The following LILRB1 variants were observed in gnomAD, a reference collection of about 807,000 sequenced individuals.
LILRB1 encodes leukocyte immunoglobulin-like receptor subfamily B member 1.
In LILRB1, 59 loss-of-function variants were observed where a neutral mutation model predicts 74.6. The observed-to-expected ratio is 0.79, with a 90% CI of 0.64 to 0.98. The LOEUF is 0.98. Ranked by LOEUF, LILRB1 falls within the 50% of genes least tolerant of loss-of-function variation. The pLI is 0.00. For synonymous variants in LILRB1, 328 were observed against 333.9 expected (o/e 0.98, Z 0.19); for missense variants, 804 against 822.6 (o/e 0.98, Z 0.28).
chr19:54,634,266 G>C (rs992605124), intron 9 of LILRB1: 13 of 1,522,436 alleles, frequency 8.5e-6, no homozygotes, highest in Admixed American at 8.1e-5. Flanking sequence ...CCGATTCCGC[G>C]GGGGCCTGTC....
At chr19:54,623,833 G>T (rs1347722260) in intron 1 of LILRB1, among the ~76,000 whole-genome samples, 4 of 152,196 alleles carry the variant, frequency 2.6e-5, no homozygotes, top group Admixed American at 1.3e-4. Context: ...ATTTGGATGG[G>T]ATTTGTTTTG....
At chr19:54,632,359 C>A in intron 5 of LILRB1, 105 bp from the exon 6 acceptor site, 4 of 1,546,716 alleles carry the variant, frequency 2.6e-6, no homozygotes, top group Middle Eastern at 2.0e-4. Context: ...GCTCCTGGGG[C>A]CAGAGACACA....
intron 1 of LILRB1, among the ~76,000 whole-genome samples, chr19:54,618,783 A>G (rs2063380606): frequency 6.6e-6 from 1 of 152,238 alleles, no homozygotes; most frequent in Non-Finnish European, 1.5e-5. Flanking sequence ...AAGTTCCCTT[A>G]CTTAGGTAAA....
In LILRB1 at chr19:54,636,843, G is replaced by A. The variant is rs774688543; in HGVS notation, c.1924G>A (p.Val642Met). ...PPSQEGPSPA[V>M]PSIYATLAIH Reference sequence around the variant, plus strand: ...ATCCCAGGAAGGGCCCTCTCCAGCTGTGCCCAGCATCTACGCCACTCTGGC... The same window carrying A: ...ATCCCAGGAAGGGCCCTCTCCAGCTATGCCCAGCATCTACGCCACTCTGGC... The change falls in exon 15 of 15, where the codon GTG becomes ATG. Residue 642 changes from valine to methionine, a missense_variant. Transcript: ENST00000324602. 1 of 1,613,480 alleles carries A rather than the reference G, an allele frequency of 6.2e-7. No homozygotes were observed. The highest frequency in any genetic ancestry group is 1.7e-5 in the Admixed American group (1 of 59,988).
rs1406779124 is a variant in LILRB1 at position 54,620,619 on chromosome 19, C to T, written c.-166+3270C>T. 4.6e-5 allele frequency among the ~76,000 whole-genome samples: 7 copies of T among 152,090 alleles called. No individual in the cohort carries two copies. In the South Asian group the frequency reaches 6.2e-4, roughly 14 times the overall value. On this transcript the variant is annotated intron_variant, in intron 1 of 15. Transcript: ENST00000396331. ...CAACCAGCTTAGTGGACCAGACAAA[C>T]GCCACTGAAAGGTCTGTTGGCCCTG...
At chr19:54,629,292 TG>T (rs1469472625), upstream of LILRB1, among the ~76,000 whole-genome samples, 2 of 152,174 alleles carry the variant, frequency 1.3e-5, no homozygotes, top group East Asian at 3.8e-4. Context: ...ACGAATTGCC[TG>T]TGTATCCCAA....
Position 54,632,718 on chromosome 19 carries a change from G to T in LILRB1, c.916G>T (p.Glu306Ter). The T allele has an allele frequency of 6.2e-7, 1 of 1,612,458 alleles. No individual in the cohort carries two copies. Among genetic ancestry groups the T allele is most frequent in the Non-Finnish European group, 8.5e-7 (1 of 1,179,944 alleles). The stretch of plus-strand genomic sequence containing the variant: ...CTACGGTGCACACAACCTCTCCTCC[G>T]AGTGGTCGGCCCCCAGCGACCCCCT... ...RCYGAHNLSSEWSAPSDPLDI... is the reference protein window; with the variant it reads ...RCYGAHNLSS The change falls in exon 6 of 15, where the codon GAG (glutamate) becomes TAG (stop). Residue 306 changes from glutamate (E) to a stop codon, truncating the protein, a stop_gained. Coordinates refer to ENST00000324602, the MANE Select transcript of LILRB1 (RefSeq NM_001081637.3). LOFTEE classifies it high-confidence loss of function.
intron 12 of LILRB1, 29 bp downstream of exon 12, chr19:54,635,325 G>A (rs1476637399): frequency 6.2e-7 from 1 of 1,612,198 alleles, no homozygotes; most frequent in Middle Eastern, 1.7e-4. Context: ...TGACCAGCCA[G>A]GAGGGAGATG....
upstream of LILRB1, among the ~76,000 whole-genome samples, chr19:54,616,510 C>T (rs1010768837): frequency 1.3e-5 from 2 of 152,118 alleles, no homozygotes; most frequent in Admixed American, 6.5e-5. Context: ...CAGCAGGGGC[C>T]CACTGAAAGC....
chr19:54,637,644 A>T lies in LILRB1; in HGVS notation c.*766A>T, dbSNP rs1788348496. The T allele has an allele frequency of 6.6e-6, 1 of 152,178 alleles. No individual in the cohort carries two copies. Among genetic ancestry groups the T allele is most frequent in the Non-Finnish European group, 1.5e-5 (1 of 68,036 alleles). 9.4% of individuals were successfully genotyped at this position (152,178 alleles called of 1,614,324 possible). On this transcript the variant is annotated 3_prime_UTR_variant, in exon 15 of 15. Coordinates refer to ENST00000324602, the MANE Select transcript of LILRB1 (RefSeq NM_001081637.3). ...ATAACAATAATAAGAGGAGTTGTTCATGAGGAAAAACCAAAGCTTGAAAAT... is the reference window on the plus strand; with the variant it reads ...ATAACAATAATAAGAGGAGTTGTTCTTGAGGAAAAACCAAAGCTTGAAAAT...
At chr19:54,630,389 T>A (rs141412447), upstream of LILRB1, 3 of 203,484 alleles carry the variant, frequency 1.5e-5, no homozygotes, top group Non-Finnish European at 2.9e-5. Context: ...AGCAAAATAT[T>A]TTAAAAAGGG....
rs759897397 is a variant in LILRB1, at chr19:54,633,336, G to T, written c.1261+18G>T. 1.2e-6 allele frequency: 2 copies of T among 1,608,532 alleles called. No individual in the cohort carries two copies. Among genetic ancestry groups the T allele is most frequent in the Admixed American group, 3.4e-5 (2 of 59,630 alleles). On this transcript the variant is annotated intron_variant, in intron 7 of 14. Coordinates refer to ENST00000324602, the MANE Select transcript of LILRB1 (RefSeq NM_001081637.3). ...GGTCTCAGGTGGGGGCCTTGACCCT[G>T]TCCTCTCTGAGCTCAAAGTCTCAGC...
Position 54,633,167 on chromosome 19 carries a change from A to G in LILRB1, c.1110A>G (p.Arg370=). Residue 370 remains arginine, a synonymous_variant, in exon 7 of 15, where the codon AGA becomes AGG. Transcript: ENST00000324602. The part of the protein sequence containing the change: ...EGAADDPWRL[R]STYQSQKYQA... ...CAGCTGATGACCCATGGCGTCTAAG[A>G]TCAACGTACCAATCTCAAAAATACC... 1 of 1,614,182 alleles carries G rather than the reference A, an allele frequency of 6.2e-7. No individual in the cohort carries two copies. Among genetic ancestry groups the G allele is most frequent in the Non-Finnish European group, 8.5e-7 (1 of 1,179,996 alleles).
chr19:54,637,999 A>G lies in LILRB1; in HGVS notation c.*1121A>G, dbSNP rs1391867708. Among the ~76,000 whole-genome samples the G allele has an allele frequency of 3.3e-5, 5 of 152,172 alleles. No homozygotes were observed. Among genetic ancestry groups the G allele is most frequent in the East Asian group, 3.8e-4 (2 of 5,200 alleles). On this transcript the variant is annotated 3_prime_UTR_variant, in exon 15 of 15. Transcript: ENST00000324602. ...TGTGTGTGTGTGAAAAACATTGACT[A>G]TAATAAAAATAATCTCGAGTTCACG...
Position 54,633,144 on chromosome 19 carries a change from G to C in LILRB1, c.1087G>C (p.Ala363Pro), listed in dbSNP as rs1379026792. Residue 363 changes from alanine to proline, a missense_variant, in exon 7 of 15, where the codon GCT (alanine) becomes CCT (proline). Physicochemically the swap from Ala to Pro is conservative, Grantham distance 27. Coordinates refer to ENST00000324602, the MANE Select transcript of LILRB1 (RefSeq NM_001081637.3). ...QTFLLTKEGAADDPWRLRSTY... is the reference protein window; with the variant it reads ...QTFLLTKEGAPDDPWRLRSTY... ...TTTCCTTCTGACCAAGGAGGGGGCA[G>C]CTGATGACCCATGGCGTCTAAGATC... The C allele has an allele frequency of 6.8e-6, 11 of 1,614,274 alleles. No individual in the cohort carries two copies. The highest frequency in any genetic ancestry group is 8.5e-6 in the Non-Finnish European group (10 of 1,180,040).
chr19:54,636,001 GC>G, intron 13 of LILRB1: 2 of 552,738 alleles, frequency 3.6e-6, no homozygotes, highest in Middle Eastern at 2.9e-4. Flanking sequence ...GAGGAAAGCC[GC>G]CCCCGCCTCC....
At chr19:54,622,796 T>G (rs1273259253) in intron 1 of LILRB1, among the ~76,000 whole-genome samples, 1 of 152,226 alleles carries the variant, frequency 6.6e-6, no homozygotes, top group Non-Finnish European at 1.5e-5. Context: ...ATTTTAAGGT[T>G]GGCTGTGCGT....
chr19:54,624,321 G>T lies in LILRB1; in HGVS notation c.-165-6196G>T, dbSNP rs56364573. Among the ~76,000 whole-genome samples the T allele has an allele frequency of 1.4e-3, 220 of 152,202 alleles. 1 individual carries two copies. The highest frequency in any genetic ancestry group is 2.1e-3 in the Non-Finnish European group (146 of 67,984). On this transcript the variant is annotated intron_variant, in intron 1 of 15. Coordinates refer to the LILRB1 transcript ENST00000396331. ...CGTTGTCTGTCTCCCTATCACACCC[G>T]TGCTCCAGGGCTCATGAGTCTCAGT...
rs570644991 is a variant in LILRB1, at chr19:54,637,804, T to C, written c.*926T>C. Among the ~76,000 whole-genome samples the C allele has an allele frequency of 1.3e-5, 2 of 152,308 alleles. No individual in the cohort carries two copies. The highest frequency in any genetic ancestry group is 4.8e-5 in the African/African-American group (2 of 41,568). On this transcript the variant is annotated 3_prime_UTR_variant, in exon 15 of 15. Transcript: ENST00000324602. ...AGCCAGCAGACAGCCCTACAGATCG[T>C]ACACACGTTTTCCAAAACTAACAAT...
Sources: allele counts gnomAD v4.1 joint callset (sites outside exome capture counted in the v4.1 genomes callset), GRCh38; gene constraint gnomAD v4.1.1; transcripts MANE v1.5; gene names NCBI Gene and HGNC (gene_info 2026-07-23, HGNC 2026-07-21).